SENP7: variants seen among roughly 807,000 people sequenced by gnomAD.
The protein encoded by SENP7 is sentrin-specific protease 7.
A neutral mutation model predicts 141.2 loss-of-function variants in SENP7; 64 were observed. That is an observed-to-expected ratio of 0.45 (90% CI 0.37 to 0.56). SENP7 has a LOEUF of 0.56. SENP7 is among the 20% of genes least tolerant of loss of function. The pLI is 0.00. For synonymous variants in SENP7, 382 were observed against 426.4 expected, an observed-to-expected ratio of 0.90 and a Z score of 1.28; for missense variants, 1,025 against 1,212.2, an observed-to-expected ratio of 0.85 and a Z score of 2.29.
At chr3:101,380,473 C>T (rs532966923) in intron 6 of SENP7, among the ~76,000 whole-genome samples, 4 of 125,644 alleles carry the variant, frequency 3.2e-5, no homozygotes, top group East Asian at 2.6e-4. Context: ...CAAAACATAA[C>T]TAATTTTTAA....
chr3:101,375,350 C>A (rs2060292452), intron 6 of SENP7, among the ~76,000 whole-genome samples: 1 of 151,924 alleles, frequency 6.6e-6, no homozygotes, highest in Non-Finnish European at 1.5e-5. Flanking sequence ...CAAGACCAGC[C>A]TTTCCAACAT....
intron 8 of SENP7, among the ~76,000 whole-genome samples, chr3:101,367,037 C>A (rs2060055634): frequency 1.3e-5 from 2 of 152,186 alleles, no homozygotes; most frequent in South Asian, 4.2e-4. Context: ...GACGGTCTCC[C>A]ATGATCTAAG....
intron 4 of SENP7, among the ~76,000 whole-genome samples, chr3:101,447,754 G>T (rs1179232621): frequency 6.6e-6 from 1 of 151,534 alleles, no homozygotes; most frequent in Non-Finnish European, 1.5e-5. Flanking sequence ...AACTGAAAAT[G>T]CAAGAAACCC....
intron 10 of SENP7, among the ~76,000 whole-genome samples, chr3:101,362,815 A>G (rs2059935700): frequency 6.6e-6 from 1 of 152,238 alleles, no homozygotes; most frequent in Non-Finnish European, 1.5e-5. Context: ...CTCAAAAATC[A>G]TATCACTTCC....
chr3:101,398,507 A>G (rs1316946569), intron 6 of SENP7, among the ~76,000 whole-genome samples: 2 of 152,186 alleles, frequency 1.3e-5, no homozygotes, highest in Non-Finnish European at 2.9e-5. Flanking sequence ...GAATGGGTAG[A>G]TGGATAGATG....
chr3:101,449,487 C>T (rs2063034892), intron 4 of SENP7, among the ~76,000 whole-genome samples: 1 of 152,182 alleles, frequency 6.6e-6, no homozygotes, highest in African/African-American at 2.4e-5. Context: ...GGGTTACCCA[C>T]AAAGGGAAGC....
At chr3:101,432,618 G>C (rs534373434) in intron 4 of SENP7, among the ~76,000 whole-genome samples, 1 of 152,250 alleles carries the variant, frequency 6.6e-6, no homozygotes, top group Non-Finnish European at 1.5e-5. Flanking sequence ...AGAAAGTAAG[G>C]GAAAAGAACA....
chr3:101,329,475 T>C (rs1476307061), intron 20 of SENP7, among the ~76,000 whole-genome samples: 1 of 151,968 alleles, frequency 6.6e-6, no homozygotes, highest in Non-Finnish European at 1.5e-5. Flanking sequence ...TCTGCTGCTA[T>C]TTGTACATAT....
At chr3:101,415,051 TCAC>T (rs1383414375) in intron 5 of SENP7, among the ~76,000 whole-genome samples, 18 of 152,210 alleles carry the variant, frequency 1.2e-4, no homozygotes, top group Non-Finnish European at 2.5e-4. Flanking sequence ...ACCAGAAGTG[TCAC>T]CACACCATTT....
intron 6 of SENP7, among the ~76,000 whole-genome samples, chr3:101,387,283 C>A (rs551476603): frequency 4.6e-5 from 7 of 152,276 alleles, no homozygotes; most frequent in African/African-American, 1.7e-4. Flanking sequence ...CCAGCACATA[C>A]CATTGAGAGG....
chr3:101,417,855 C>T, intron 4 of SENP7, 65 bp from the exon 5 acceptor site: 2 of 1,250,398 alleles, frequency 1.6e-6, no homozygotes, highest in Non-Finnish European at 1.2e-6. Context: ...GAATTCATCA[C>T]AAACTAATAT....
chr3:101,407,724 A>G (rs986815903), intron 5 of SENP7, among the ~76,000 whole-genome samples: 4 of 152,160 alleles, frequency 2.6e-5, no homozygotes, highest in Non-Finnish European at 4.4e-5. Context: ...AAATTAAAAA[A>G]CTTTTCCAAC....
intron 4 of SENP7, among the ~76,000 whole-genome samples, chr3:101,432,276 T>C (rs1576332215): frequency 6.6e-6 from 1 of 152,136 alleles, no homozygotes; most frequent in Non-Finnish European, 1.5e-5. Context: ...CATAATACAA[T>C]AGAACACTAG....
In SENP7 at chr3:101,392,047, T is replaced by C. The variant is rs192308976; in HGVS notation, c.677+6814A>G. Among the ~76,000 whole-genome samples the C allele has an allele frequency of 1.1e-4, 17 of 152,098 alleles. No individual in the cohort carries two copies. In the South Asian group the frequency reaches 1.7e-3, roughly 15 times the overall value. On this transcript the variant is annotated intron_variant, in intron 6 of 23. Coordinates refer to ENST00000394095, the MANE Select transcript of SENP7 (RefSeq NM_020654.5). ...CCCATGATAAAAACCCTCAAAATAA[T>C]AGGCACAGAAGTAACACACTGCAAC...
rs565343594 is a variant in SENP7 at position 101,456,375 on chromosome 3, C to A, written c.284+2580G>T. Among the ~76,000 whole-genome samples, 13 of 152,150 alleles carry A rather than the reference C, an allele frequency of 8.5e-5. No homozygotes were observed. The East Asian group carries it at 2.5e-3, about 29-fold the overall frequency. On this transcript the variant is annotated intron_variant, in intron 4 of 23. Transcript: ENST00000394095. ...TCAGGATCACGTCAACCACATTGTTCTTTATTAAGAAGATGGTGATTTGGG... is the reference window on the plus strand; with the variant it reads ...TCAGGATCACGTCAACCACATTGTTATTTATTAAGAAGATGGTGATTTGGG...
intron 7 of SENP7, among the ~76,000 whole-genome samples, chr3:101,368,407 T>TA (rs2060093567): frequency 6.6e-6 from 1 of 151,374 alleles, no homozygotes; most frequent in Non-Finnish European, 1.5e-5. Flanking sequence ...TAAAAAAGGA[T>TA]GAGTTCATGT....
chr3:101,488,694 T>G (rs2064831913), intron 3 of SENP7, among the ~76,000 whole-genome samples: 1 of 152,074 alleles, frequency 6.6e-6, no homozygotes, highest in African/African-American at 2.4e-5. Context: ...CACAAAAAAT[T>G]AGCTGGGCAT....
At chr3:101,387,828 C>T (rs1413314036) in intron 6 of SENP7, among the ~76,000 whole-genome samples, 1 of 152,244 alleles carries the variant, frequency 6.6e-6, no homozygotes, top group Non-Finnish European at 1.5e-5. Flanking sequence ...TACCCACTGC[C>T]ATCACTGCCA....
intron 13 of SENP7, among the ~76,000 whole-genome samples, chr3:101,345,762 T>C (rs1254028191): frequency 1.3e-5 from 2 of 152,114 alleles, no homozygotes; most frequent in Non-Finnish European, 2.9e-5. Flanking sequence ...TATACAAAAA[T>C]CAACTCAAAA....
Sources: gnomAD v4.1 joint callset for allele counts (sites outside exome capture counted in the v4.1 genomes callset) on GRCh38, gnomAD v4.1.1 for gene constraint, MANE v1.5 for transcripts, NCBI Gene and HGNC (gene_info 2026-07-23, HGNC 2026-07-21) for gene names.